HNF4G: variants seen among roughly 807,000 people sequenced by gnomAD.
HNF4G encodes the protein hepatocyte nuclear factor 4-gamma.
Under a neutral mutation model 50.9 loss-of-function variants are expected in HNF4G, and 21 were observed. The ratio of observed to expected loss-of-function variants is 0.41; its 90% CI spans 0.29 to 0.59. The LOEUF is 0.59. Ranked by LOEUF, HNF4G falls within the 20% of genes least tolerant of loss-of-function variation. The pLI is 0.26. For synonymous variants in HNF4G, 198 were observed against 185.6 expected (o/e 1.07, Z -0.54); for missense variants, 527 against 559.4 (o/e 0.94, Z 0.58).
intron 2 of HNF4G, among the ~76,000 whole-genome samples, chr8:75,504,234 C>CACAG (rs1554576000): frequency 1.4e-5 from 1 of 72,786 alleles, no homozygotes; most frequent in African/African-American, 1.0e-4. Context: ...CACACAGACA[C>CACAG]ACACACACAC....
intron 2 of HNF4G, among the ~76,000 whole-genome samples, chr8:75,516,690 A>G (rs1384749833): frequency 1.3e-5 from 2 of 152,208 alleles, no homozygotes; most frequent in African/African-American, 2.4e-5. Flanking sequence ...GTGAATTTGC[A>G]TACTTCAGAT....
intron 1 of HNF4G, among the ~76,000 whole-genome samples, chr8:75,471,081 A>T (rs1213449230): frequency 6.6e-6 from 1 of 152,226 alleles, no homozygotes; most frequent in East Asian, 1.9e-4. Flanking sequence ...ATCTCTCAGT[A>T]TAATGGAAAG....
intron 1 of HNF4G, among the ~76,000 whole-genome samples, chr8:75,456,673 A>G (rs926449732): frequency 1.3e-5 from 2 of 151,970 alleles, no homozygotes; most frequent in Admixed American, 6.6e-5. Flanking sequence ...TGGTAAAATT[A>G]ACATTCTATA....
rs575035094 is a variant in HNF4G, at chr8:75,420,301, A to G, written c.-144+12139A>G. On this transcript the variant is annotated intron_variant, in intron 1 of 10. Coordinates refer to the HNF4G transcript ENST00000354370. ...TACGAACTGCTTTCTCCGTAACCAC[A>G]TTGCTCCCTTCAAGGAGGACATTCT... Among the ~76,000 whole-genome samples the G allele has an allele frequency of 1.1e-4, 17 of 152,328 alleles. No homozygotes were observed. In the South Asian group the frequency reaches 3.3e-3, roughly 30 times the overall value.
At chr8:75,452,673 C>T (rs184569262) in intron 1 of HNF4G, among the ~76,000 whole-genome samples, 13 of 145,304 alleles carry the variant, frequency 8.9e-5, no homozygotes, top group African/African-American at 2.7e-4. Context: ...GAGACGAGAT[C>T]GTGCCACTGC....
At chr8:75,551,959 C>A (rs554476755) in intron 4 of HNF4G, among the ~76,000 whole-genome samples, 1 of 152,120 alleles carries the variant, frequency 6.6e-6, no homozygotes, top group East Asian at 1.9e-4. Context: ...TCAGAAAACA[C>A]AGAAGAGAGA....
At chr8:75,505,982 T>C (rs980732150) in intron 2 of HNF4G, among the ~76,000 whole-genome samples, 2 of 151,994 alleles carry the variant, frequency 1.3e-5, no homozygotes, top group African/African-American at 4.8e-5. Flanking sequence ...GGGAGCAAAA[T>C]TGAACTTTTA....
intron 2 of HNF4G, among the ~76,000 whole-genome samples, chr8:75,517,263 T>G (rs1805915751): frequency 6.6e-6 from 1 of 152,146 alleles, no homozygotes; most frequent in East Asian, 1.9e-4. Context: ...AACTATATCA[T>G]TCTGCCCTGG....
intron 2 of HNF4G, among the ~76,000 whole-genome samples, chr8:75,520,773 G>A (rs948976682): frequency 6.6e-6 from 1 of 151,974 alleles, no homozygotes; most frequent in Non-Finnish European, 1.5e-5. Context: ...TTAAATTCAT[G>A]TTTCTTTTTT....
intron 1 of HNF4G, among the ~76,000 whole-genome samples, chr8:75,433,328 G>A (rs867268998): frequency 3.3e-5 from 5 of 150,498 alleles, no homozygotes; most frequent in Non-Finnish European, 5.9e-5. Context: ...GATCGCTTGA[G>A]CCCAAGATTT....
At chr8:75,510,590 A>T (rs2977910) in intron 2 of HNF4G, among the ~76,000 whole-genome samples, 79,720 of 151,942 alleles carry the variant, frequency 0.52, 23,294 homozygotes, top group African/African-American at 0.79. Context: ...GATACACAAA[A>T]GGTTACCATT....
chr8:75,561,398 C>T (rs1392056478), intron 9 of HNF4G, among the ~76,000 whole-genome samples: 1 of 152,142 alleles, frequency 6.6e-6, no homozygotes, highest in Non-Finnish European at 1.5e-5. Flanking sequence ...ACTTTTTATT[C>T]CTTTCTGCAC....
chr8:75,468,931 GA>G (rs567462862), intron 1 of HNF4G, among the ~76,000 whole-genome samples: 188 of 142,562 alleles, frequency 1.3e-3, no homozygotes, highest in South Asian at 0.012. Flanking sequence ...GAGGTTAAGA[GA>G]AAAAAAAAAA....
chr8:75,473,030 C>T (rs1333801718), intron 1 of HNF4G, among the ~76,000 whole-genome samples: 1 of 152,052 alleles, frequency 6.6e-6, no homozygotes, highest in East Asian at 1.9e-4. Flanking sequence ...AAAGTGTCAG[C>T]CGGGAGCAGT....
chr8:75,483,871 T>C (rs2130664112), intron 1 of HNF4G, among the ~76,000 whole-genome samples: 1 of 152,322 alleles, frequency 6.6e-6, no homozygotes, highest in East Asian at 1.9e-4. Context: ...TCTGTATTGA[T>C]ATGTCTCGAT....
At position 75,553,026 on chromosome 8, in the gene HNF4G, C is replaced by T. The variant is rs1351602660; in HGVS notation, c.490-16C>T. ...TATTATTTTAAATGATAATATAATG[C>T]TTTTCTTAATACTAGATCTCAGTCT... On this transcript the variant is annotated splice_polypyrimidine_tract_variant and intron_variant, in intron 4 of 9. Coordinates refer to ENST00000396423, the MANE Select transcript of HNF4G (RefSeq NM_004133.5). 12 of 1,580,224 alleles carry T rather than the reference C, an allele frequency of 7.6e-6. No homozygotes were observed. The highest frequency in any genetic ancestry group is 2.3e-5 in the South Asian group (2 of 87,368).
At chr8:75,548,191 G>T (rs374734863) in intron 3 of HNF4G, among the ~76,000 whole-genome samples, 3 of 151,910 alleles carry the variant, frequency 2.0e-5, no homozygotes, top group African/African-American at 7.3e-5. Flanking sequence ...CACCATGTTA[G>T]CCAGGCTGGT....
chr8:75,514,365 T>TC (rs1563536395), intron 2 of HNF4G, among the ~76,000 whole-genome samples: 9 of 124,116 alleles, frequency 7.3e-5, no homozygotes, highest in Non-Finnish European at 1.4e-4. Context: ...TTTTTTTTTT[T>TC]CTTTCTTTTT....
Position 75,553,167 on chromosome 8 carries a change from T to G in HNF4G, c.615T>G (p.Pro205=), listed in dbSNP as rs776991530. The change falls in exon 5 of 10, where the codon CCT becomes CCG. Residue 205 remains proline (P), a synonymous_variant. Coordinates refer to ENST00000396423, the MANE Select transcript of HNF4G (RefSeq NM_004133.5). Reference sequence around the variant, plus strand: ...TGGTGGAATGGGCTAAATATATTCCTGCCTTCTGTGAATTACCATTGGATG... The same window carrying G: ...TGGTGGAATGGGCTAAATATATTCCGGCCTTCTGTGAATTACCATTGGATG... ...LVLVEWAKYI[P]AFCELPLDDQ... is the part of the protein sequence containing the mutation. 6.2e-7 allele frequency: 1 copy of G among 1,613,000 alleles called. No individual in the cohort carries two copies. The highest frequency in any genetic ancestry group is 2.2e-5 in the East Asian group (1 of 44,802).
Sources: gnomAD v4.1 joint callset for allele counts (sites outside exome capture counted in the v4.1 genomes callset) on GRCh38, gnomAD v4.1.1 for gene constraint, MANE v1.5 for transcripts, NCBI Gene and HGNC (gene_info 2026-07-23, HGNC 2026-07-21) for gene names.